PSD3: variants seen among roughly 807,000 people sequenced by gnomAD.
The protein encoded by PSD3 is pleckstrin and Sec7 domain containing 3.
A neutral mutation model predicts 105.5 loss-of-function variants in PSD3; 49 were observed. The ratio of observed to expected loss-of-function variants is 0.46; its 90% CI spans 0.37 to 0.59. PSD3 has a LOEUF of 0.59. PSD3 is among the 20% of genes least tolerant of loss of function. The pLI is 0.00. For synonymous variants in PSD3, 557 were observed against 457.8 expected, an observed-to-expected ratio of 1.22 and a Z score of -2.77; for missense variants, 1,561 against 1,263.8, an observed-to-expected ratio of 1.24 and a Z score of -3.57.
intron 4 of PSD3, among the ~76,000 whole-genome samples, chr8:18,819,224 G>C (rs920341993): frequency 6.6e-6 from 1 of 152,170 alleles, no homozygotes; most frequent in African/African-American, 2.4e-5. Flanking sequence ...TTTCCAGAGG[G>C]TAGGTTTAGT....
intron 2 of PSD3, among the ~76,000 whole-genome samples, chr8:18,896,808 TTTTTG>T (rs199778264): frequency 0.047 from 7,104 of 152,032 alleles, 196 homozygotes; most frequent in South Asian, 0.08. Context: ...GTTTTGTCTT[TTTTTG>T]TTTTGTTTTG....
At chr8:18,987,388 C>T (rs1373688978) in intron 1 of PSD3, among the ~76,000 whole-genome samples, 2 of 151,928 alleles carry the variant, frequency 1.3e-5, no homozygotes, top group Non-Finnish European at 2.9e-5. Flanking sequence ...TCCAGGCTCA[C>T]GCCATTCTCC....
chr8:18,601,363 A>C (rs1203860628), intron 11 of PSD3, among the ~76,000 whole-genome samples: 2 of 152,096 alleles, frequency 1.3e-5, no homozygotes, highest in Non-Finnish European at 2.9e-5. Context: ...ATAGACAGGG[A>C]GAGCCATTTA....
At chr8:18,918,937 C>T (rs1820807964) in intron 2 of PSD3, among the ~76,000 whole-genome samples, 1 of 152,244 alleles carries the variant, frequency 6.6e-6, no homozygotes, top group Non-Finnish European at 1.5e-5. Flanking sequence ...TTTAATAATC[C>T]TCTAAAGCTT....
chr8:18,601,411 C>A (rs1344078508), intron 11 of PSD3, among the ~76,000 whole-genome samples: 1 of 152,180 alleles, frequency 6.6e-6, no homozygotes, highest in African/African-American at 2.4e-5. Context: ...TGTCTGTGGT[C>A]TGTCTTTAAC....
intron 9 of PSD3, among the ~76,000 whole-genome samples, chr8:18,727,370 A>C (rs1263148438): frequency 6.8e-6 from 1 of 148,030 alleles, no homozygotes; most frequent in Admixed American, 6.8e-5. Context: ...TGAGCCAGGC[A>C]TGGTGGTGGA....
intron 2 of PSD3, among the ~76,000 whole-genome samples, chr8:18,874,010 T>C (rs1586294353): frequency 6.6e-6 from 1 of 152,336 alleles, no homozygotes; most frequent in East Asian, 1.9e-4. Flanking sequence ...ATAGCAGCTG[T>C]AGTCCTATCA....
At chr8:18,578,887 T>C (rs1411902286) in intron 12 of PSD3, among the ~76,000 whole-genome samples, 6 of 152,062 alleles carry the variant, frequency 3.9e-5, no homozygotes, top group African/African-American at 9.7e-5. Flanking sequence ...GATTACCTTA[T>C]ACTGGAAGGA....
chr8:18,925,812 T>C (rs977376974), intron 2 of PSD3, among the ~76,000 whole-genome samples: 1 of 152,174 alleles, frequency 6.6e-6, no homozygotes, highest in Non-Finnish European at 1.5e-5. Context: ...AGCCTCCTCA[T>C]CCTTAGAGGA....
At chr8:18,628,229 A>AC (rs1209172214) in intron 11 of PSD3, among the ~76,000 whole-genome samples, 4 of 151,912 alleles carry the variant, frequency 2.6e-5, no homozygotes, top group African/African-American at 4.8e-5. Context: ...GAATCCAAGA[A>AC]CCCCAATAAA....
chr8:18,910,264 T>G (rs1463483801), intron 2 of PSD3, among the ~76,000 whole-genome samples: 2 of 145,280 alleles, frequency 1.4e-5, no homozygotes, highest in Non-Finnish European at 3.0e-5. Flanking sequence ...TAGACTGGAT[T>G]AAGAAAATGT....
chr8:18,964,110 T>C lies in PSD3; in HGVS notation c.22-27968A>G, dbSNP rs79419436. On this transcript the variant is annotated intron_variant, in intron 1 of 15. Transcript: ENST00000327040. ...AACACCATTCTCTAAATCTAATGAA[T>C]AACTCGGGTTTTTTTTGTTTGTTTG... Among the ~76,000 whole-genome samples the C allele has an allele frequency of 1.7e-3, 263 of 152,166 alleles. 1 individual carries two copies. The highest frequency in any genetic ancestry group is 6.0e-3 in the African/African-American group (250 of 41,426).
Position 18,617,317 on chromosome 8 carries a change from G to C in PSD3, c.2410+15296C>G, listed in dbSNP as rs66718168. Among the ~76,000 whole-genome samples, 1,498 of 152,108 alleles carry C rather than the reference G, an allele frequency of 9.8e-3. 20 individuals are homozygous for C. The highest frequency in any genetic ancestry group is 0.033 in the African/African-American group (1,379 of 41,456). On this transcript the variant is annotated intron_variant, in intron 11 of 15. Transcript: ENST00000327040. ...AGGCTGAGGTGGGTGAATCACCTGA[G>C]GTAAGGGGTTCGAGACCAACCTGAC... is the stretch of plus-strand genomic sequence containing the variant.
At chr8:18,674,522 A>G (rs1273946794) in intron 9 of PSD3, among the ~76,000 whole-genome samples, 1 of 152,196 alleles carries the variant, frequency 6.6e-6, no homozygotes, top group Non-Finnish European at 1.5e-5. Context: ...AGATAAAAGC[A>G]CACTGTTACC....
chr8:18,543,427 A>G lies in PSD3; in HGVS notation c.2929-7469T>C, dbSNP rs190383145. ...CAAGAGATCGAGACCATCTTGGCTA[A>G]CACGGTGAAACCCCGTCTCTACTAA... On this transcript the variant is annotated intron_variant, in intron 15 of 15. Coordinates refer to ENST00000327040, the MANE Select transcript of PSD3 (RefSeq NM_015310.4). Among the ~76,000 whole-genome samples, 166 of 152,260 alleles carry G rather than the reference A, an allele frequency of 1.1e-3. 1 individual carries two copies. The highest frequency in any genetic ancestry group is 3.9e-3 in the African/African-American group (161 of 41,516).
intron 2 of PSD3, among the ~76,000 whole-genome samples, 185 bp downstream of exon 2, chr8:18,935,849 T>C (rs972224580): frequency 1.3e-5 from 2 of 152,226 alleles, no homozygotes; most frequent in Admixed American, 6.5e-5. Flanking sequence ...TTACCAAGAA[T>C]AGGCCACAAG....
intron 1 of PSD3, among the ~76,000 whole-genome samples, chr8:18,949,244 A>AAAAAAAAAAATAT (rs1345423514): frequency 1.4e-4 from 2 of 14,406 alleles, no homozygotes; most frequent in Admixed American, 3.3e-3. Context: ...AAAAAAAAAA[A>AAAAAAAAAAATAT]ATATATATAT....
chr8:18,988,306 C>T (rs988278626), intron 1 of PSD3, among the ~76,000 whole-genome samples: 3 of 152,068 alleles, frequency 2.0e-5, no homozygotes, highest in Admixed American at 6.6e-5. Context: ...AGGAAAAGCA[C>T]GAAAGCCCTA....
At chr8:18,613,237 G>A (rs907137900) in intron 11 of PSD3, among the ~76,000 whole-genome samples, 1 of 152,050 alleles carries the variant, frequency 6.6e-6, no homozygotes, top group Non-Finnish European at 1.5e-5. Flanking sequence ...CCAGACTGCC[G>A]GTCCGGATGA....
Sources: allele counts gnomAD v4.1 joint callset (sites outside exome capture counted in the v4.1 genomes callset), GRCh38; gene constraint gnomAD v4.1.1; transcripts MANE v1.5; gene names NCBI Gene and HGNC (gene_info 2026-07-23, HGNC 2026-07-21).